Variants in CLYBL observed in about 807,000 individuals in gnomAD.
CLYBL encodes the protein citramalyl-CoA lyase.
Under a neutral mutation model 38.9 loss-of-function variants are expected in CLYBL, and 31 were observed. That is an observed-to-expected ratio of 0.80 (90% CI 0.60 to 1.08). The LOEUF (loss-of-function observed/expected upper bound fraction) is 1.08. Among genes scored for constraint, CLYBL ranks in the 50% least tolerant of loss-of-function variants. The probability of loss-of-function intolerance (pLI) is 0.00; values close to 1 mark genes in which losing one functional copy is unlikely to be tolerated. For synonymous variants in CLYBL, 171 were observed against 158.6 expected (o/e 1.08, Z -0.59); for missense variants, 434 against 411.6 (o/e 1.05, Z -0.47).
chr13:99,623,219 A>G (rs2046822743), intron 1 of CLYBL, among the ~76,000 whole-genome samples: 1 of 152,252 alleles, frequency 6.6e-6, no homozygotes, highest in African/African-American at 2.4e-5. Flanking sequence ...ACATTCCACC[A>G]GCAATGTACA....
At chr13:99,688,571 C>T (rs2047853058) in intron 1 of CLYBL, among the ~76,000 whole-genome samples, 1 of 150,496 alleles carries the variant, frequency 6.6e-6, no homozygotes, top group Non-Finnish European at 1.5e-5. Context: ...AATTATATTA[C>T]TTATTTGGCT....
chr13:99,685,530 A>C (rs1422238856), intron 1 of CLYBL, among the ~76,000 whole-genome samples: 1 of 149,294 alleles, frequency 6.7e-6, no homozygotes, highest in African/African-American at 2.6e-5. Context: ...GGTTTCAGCA[A>C]CCTCCTCTAC....
chr13:99,763,156 T>A (rs959550365), intron 1 of CLYBL, among the ~76,000 whole-genome samples: 1 of 152,234 alleles, frequency 6.6e-6, no homozygotes, highest in Non-Finnish European at 1.5e-5. Context: ...GGATACCCTT[T>A]ATTTTTTTCT....
chr13:99,672,129 A>G (rs1452041614), intron 1 of CLYBL, among the ~76,000 whole-genome samples: 1 of 152,064 alleles, frequency 6.6e-6, no homozygotes, highest in East Asian at 1.9e-4. Flanking sequence ...GCCCTTCTCA[A>G]GGAAGAATAA....
intron 7 of CLYBL, among the ~76,000 whole-genome samples, chr13:99,879,960 G>A (rs2052153058): frequency 6.6e-6 from 1 of 151,494 alleles, no homozygotes; most frequent in South Asian, 2.1e-4. Flanking sequence ...TGGCCATCAT[G>A]ACAGTGGTGT....
chr13:99,779,421 C>G (rs997368086), intron 2 of CLYBL, among the ~76,000 whole-genome samples: 2 of 151,994 alleles, frequency 1.3e-5, no homozygotes, highest in African/African-American at 2.4e-5. Context: ...ATTACAGGCG[C>G]GAGCCACCGT....
At chr13:99,738,405 A>G (rs544667552) in intron 1 of CLYBL, among the ~76,000 whole-genome samples, 94 of 152,320 alleles carry the variant, frequency 6.2e-4, no homozygotes, top group African/African-American at 2.2e-3. Context: ...GCAGACAGTT[A>G]TTAGAATTTG....
intron 1 of CLYBL, among the ~76,000 whole-genome samples, chr13:99,617,600 G>A (rs1327596292): frequency 6.6e-6 from 1 of 151,416 alleles, no homozygotes; most frequent in Non-Finnish European, 1.5e-5. Flanking sequence ...GGAGATGCAC[G>A]CAGTCTCTGC....
intron 2 of CLYBL, among the ~76,000 whole-genome samples, chr13:99,808,399 T>C (rs916981792): frequency 6.6e-6 from 1 of 152,128 alleles, no homozygotes; most frequent in African/African-American, 2.4e-5. Flanking sequence ...GATCCTCTTG[T>C]AGAGGAACGG....
chr13:99,651,788 C>T (rs1186153668), intron 1 of CLYBL, among the ~76,000 whole-genome samples: 1 of 149,314 alleles, frequency 6.7e-6, no homozygotes, highest in East Asian at 2.0e-4. Flanking sequence ...AAAAATTAGC[C>T]AGGCCTGGTG....
intron 7 of CLYBL, 122 bp from the exon 8 acceptor site, chr13:99,891,195 TG>T: frequency 1.4e-6 from 1 of 706,942 alleles, no homozygotes; most frequent in Non-Finnish European, 2.4e-6. Context: ...TCTCAAAAGT[TG>T]GGCGGGAAAG....
intron 2 of CLYBL, among the ~76,000 whole-genome samples, chr13:99,795,994 G>T (rs1289656792): frequency 6.6e-6 from 1 of 152,210 alleles, no homozygotes; most frequent in Non-Finnish European, 1.5e-5. Flanking sequence ...GCTGTGGATG[G>T]ATAGGTACAC....
At position 99,772,967 on chromosome 13, in the gene CLYBL, G is replaced by A; in HGVS notation, c.206G>A (p.Cys69Tyr). The part of the protein sequence containing the change: ...IKKIPSLNVD[C>Y]AVLDCEDGVA... ...AAGATTCCATCCCTGAATGTAGATTGTGCAGTGCTCGACTGTGAGGATGGA... is the reference window on the plus strand; with the variant it reads ...AAGATTCCATCCCTGAATGTAGATTATGCAGTGCTCGACTGTGAGGATGGA... The change falls in exon 2 of 9, where the codon TGT becomes TAT. Residue 69 changes from cysteine to tyrosine, a missense_variant. Cys to Tyr is a radical substitution (Grantham distance 194). Transcript: ENST00000339105. The A allele has an allele frequency of 6.2e-7, 1 of 1,613,486 alleles. No individual in the cohort carries two copies. The highest frequency in any genetic ancestry group is 8.5e-7 in the Non-Finnish European group (1 of 1,179,920).
chr13:99,819,416 T>TTATATATATATATATATA (rs71715024), intron 2 of CLYBL, among the ~76,000 whole-genome samples: 3 of 18,386 alleles, frequency 1.6e-4, no homozygotes, highest in Non-Finnish European at 2.6e-4. Flanking sequence ...GGGAAAAAAT[T>TTATATATATATATATATA]TATATATATA....
intron 1 of CLYBL, among the ~76,000 whole-genome samples, chr13:99,632,008 T>G (rs1399511027): frequency 1.3e-5 from 2 of 149,418 alleles, no homozygotes; most frequent in African/African-American, 2.5e-5. Flanking sequence ...GTGGATAAGG[T>G]TTGCAGGTTT....
At chr13:99,741,687 G>T (rs1208722869) in intron 1 of CLYBL, among the ~76,000 whole-genome samples, 2 of 152,172 alleles carry the variant, frequency 1.3e-5, no homozygotes, top group Non-Finnish European at 2.9e-5. Flanking sequence ...ATGTTGCCCA[G>T]GCTGGTCTTG....
chr13:99,620,337 C>G lies in CLYBL; in HGVS notation c.62+13580C>G, dbSNP rs577509483. On this transcript the variant is annotated intron_variant, in intron 1 of 8. Transcript: ENST00000339105. ...CACTTGGAACCCTCAAGCTGGCTTG[C>G]AAATGCCCAGAGCCACAGTGCTCTC... 1.1e-4 allele frequency among the ~76,000 whole-genome samples: 17 copies of G among 152,306 alleles called. No homozygotes were observed. In the South Asian group the frequency reaches 3.1e-3, roughly 28 times the overall value.
At chr13:99,644,519 G>T (rs73564207) in intron 1 of CLYBL, among the ~76,000 whole-genome samples, 22,919 of 152,054 alleles carry the variant, frequency 0.15, 1,817 homozygotes, top group African/African-American at 0.16. Flanking sequence ...AAACATTCCA[G>T]TTATACTCTT....
At chr13:99,738,531 T>A (rs561334091) in intron 1 of CLYBL, among the ~76,000 whole-genome samples, 1 of 152,218 alleles carries the variant, frequency 6.6e-6, no homozygotes, top group South Asian at 2.1e-4. Context: ...CCAAGTCTGT[T>A]CGTTGGTCAG....
Sources: gnomAD v4.1 joint callset for allele counts (sites outside exome capture counted in the v4.1 genomes callset) on GRCh38, gnomAD v4.1.1 for gene constraint, MANE v1.5 for transcripts, NCBI Gene and HGNC (gene_info 2026-07-23, HGNC 2026-07-21) for gene names.